Variants in CD276 observed in about 807,000 individuals in gnomAD.
CD276 encodes the protein CD276 antigen.
A neutral mutation model predicts 50.0 loss-of-function variants in CD276; 34 were observed. The ratio of observed to expected loss-of-function variants is 0.68; its 90% CI spans 0.52 to 0.91. The LOEUF is 0.91. Among genes scored for constraint, CD276 ranks in the 40% least tolerant of loss-of-function variants. The pLI is 0.00. For synonymous variants in CD276, 275 were observed against 313.0 expected (o/e 0.88, Z 1.28); for missense variants, 634 against 717.5 (o/e 0.88, Z 1.33).
chr15:73,706,590 G>A (rs1900661721), intron 6 of CD276, among the ~76,000 whole-genome samples: 1 of 152,196 alleles, frequency 6.6e-6, no homozygotes, highest in African/African-American at 2.4e-5. Context: ...CCACCAGCCA[G>A]CCTCCTGTTT....
At chr15:73,712,327 TCTC>T (rs1448166166) in intron 9 of CD276, among the ~76,000 whole-genome samples, 2 of 152,122 alleles carry the variant, frequency 1.3e-5, no homozygotes, top group Non-Finnish European at 2.9e-5. Flanking sequence ...GGGGAGCTCT[TCTC>T]CTCTCCCCAG....
At chr15:73,694,897 G>T (rs1220651623) in intron 1 of CD276, among the ~76,000 whole-genome samples, 1 of 152,226 alleles carries the variant, frequency 6.6e-6, no homozygotes, top group East Asian at 1.9e-4. Flanking sequence ...TTACTCGGGA[G>T]GCTGAGGCAG....
chr15:73,701,462 C>T (rs1900385456), intron 2 of CD276, among the ~76,000 whole-genome samples: 1 of 152,216 alleles, frequency 6.6e-6, no homozygotes, highest in African/African-American at 2.4e-5. Context: ...CTGGTCTCTT[C>T]AAGTCATCTT....
Position 73,704,206 on chromosome 15 carries a change from A to G in CD276, c.1103A>G (p.Glu368Gly), listed in dbSNP as rs1456011238. The G allele has an allele frequency of 3.1e-6, 5 of 1,613,854 alleles. No individual in the cohort carries two copies. In the South Asian group the frequency reaches 4.4e-5, roughly 14 times the overall value. Residue 368 changes from glutamate (E) to glycine (G), a missense_variant, in exon 6 of 10, where the codon GAG becomes GGG. Coordinates refer to ENST00000318443, the MANE Select transcript of CD276 (RefSeq NM_001024736.2). The surrounding 1 kb of genome is among the most constrained non-coding windows in gnomAD (Gnocchi z 4.1). ...TACTCGAAGCCCAGCATGACCCTGG[A>G]GCCCAACAAGGACCTGCGGCCAGGG... ...APYSKPSMTL[E>G]PNKDLRPGDT...
At chr15:73,691,332 G>C (rs1899981213) in intron 1 of CD276, among the ~76,000 whole-genome samples, 1 of 152,156 alleles carries the variant, frequency 6.6e-6, no homozygotes, top group Non-Finnish European at 1.5e-5. Context: ...TATCCTTCTA[G>C]CTTCCATCTC....
chr15:73,696,456 C>G (rs1473726064), intron 1 of CD276, among the ~76,000 whole-genome samples: 1 of 152,104 alleles, frequency 6.6e-6, no homozygotes, highest in African/African-American at 2.4e-5. Flanking sequence ...GCGTAGGGGT[C>G]TCTGGGTGCC....
chr15:73,712,213 T>C (rs978016059), intron 9 of CD276: 6 of 150,368 alleles, frequency 4.0e-5, no homozygotes, highest in African/African-American at 1.5e-4. Flanking sequence ...GAATGTGGCC[T>C]GGATGGGCAA....
rs1488002868 is a variant in CD276, at chr15:73,713,160, TTA to T, written c.*207_*208del. The T allele has an allele frequency of 4.1e-5, 23 of 555,626 alleles. No individual in the cohort carries two copies. In the East Asian group the frequency reaches 6.6e-4, roughly 16 times the overall value. The allele number at this position is 555,626 out of a possible 1,614,324, so 34.4% of individuals were successfully genotyped here. A position where few individuals can be genotyped will look rare whatever the true frequency, so the allele number is the denominator to read the frequency against. On this transcript the variant is annotated 3_prime_UTR_variant, in exon 10 of 10. Transcript: ENST00000318443. ...CCAAGTCATCCTGCTGCCTTTTTTC[TTA>T]TAGACACAATGAACAGACCACCCAC...
intron 1 of CD276, 30 bp from the exon 2 acceptor site, chr15:73,699,556 G>C (rs1013263914): frequency 3.2e-6 from 5 of 1,560,112 alleles, no homozygotes; most frequent in Non-Finnish European, 4.3e-6. Flanking sequence ...AACCTTTGGA[G>C]ACAAAGGCCT....
Position 73,702,961 on chromosome 15 carries a change from A to G in CD276, c.608A>G (p.Asp203Gly). The G allele has an allele frequency of 6.2e-7, 1 of 1,614,158 alleles. No individual in the cohort carries two copies. Among genetic ancestry groups the G allele is most frequent in the East Asian group, 2.2e-5 (1 of 44,872 alleles). Residue 203 changes from aspartate (D) to glycine (G), a missense_variant, in exon 4 of 10, where the codon GAT (aspartate) becomes GGT (glycine). Asp to Gly is a moderately conservative substitution (Grantham distance 94). Coordinates refer to ENST00000318443, the MANE Select transcript of CD276 (RefSeq NM_001024736.2). ...SQMANEQGLF[D>G]VHSILRVVLG... ...ATGGCCAACGAGCAGGGCTTGTTTG[A>G]TGTGCACAGCATCCTGCGGGTGGTG... is the stretch of plus-strand genomic sequence containing the variant.
chr15:73,684,851 G>C (rs1052424260), intron 1 of CD276: 2 of 152,480 alleles, frequency 1.3e-5, no homozygotes, highest in Non-Finnish European at 2.9e-5. Flanking sequence ...CATGGGGGCA[G>C]ATCTGTCCCG....
intron 8 of CD276, 87 bp from the exon 9 acceptor site, chr15:73,711,048 A>C: frequency 8.0e-6 from 11 of 1,370,858 alleles, no homozygotes; most frequent in Non-Finnish European, 1.1e-5. Context: ...CGCCCCTTCC[A>C]GCCCTCACTC....
Position 73,699,575 on chromosome 15 carries a change from C to T in CD276, c.-54-11C>T, listed in dbSNP as rs1596009910. ...TTTGGAGACAAAGGCCTTGCGTCCT[C>T]TTTCTCCCAGGCAGGGGCAGCCTTC... On this transcript the variant is annotated splice_polypyrimidine_tract_variant and intron_variant, in intron 1 of 9. Coordinates refer to ENST00000318443, the MANE Select transcript of CD276 (RefSeq NM_001024736.2). 6.3e-7 allele frequency: 1 copy of T among 1,589,638 alleles called. No individual in the cohort carries two copies. The highest frequency in any genetic ancestry group is 8.5e-7 in the Non-Finnish European group (1 of 1,170,130).
chr15:73,712,873 A>C, intron 9 of CD276, 61 bp from the exon 10 acceptor site: 4 of 1,562,302 alleles, frequency 2.6e-6, no homozygotes, highest in Non-Finnish European at 3.5e-6. Context: ...TCCCAAAAAT[A>C]GATCTTCTGG....
intron 1 of CD276, among the ~76,000 whole-genome samples, chr15:73,685,264 G>A (rs1043417815): frequency 1.8e-4 from 27 of 151,974 alleles, no homozygotes; most frequent in Non-Finnish European, 3.2e-4. Context: ...AGAAGGGAGG[G>A]GATTGAATTC....
chr15:73,710,367 T>A (rs1900842926), intron 8 of CD276, among the ~76,000 whole-genome samples: 1 of 152,212 alleles, frequency 6.6e-6, no homozygotes, highest in Non-Finnish European at 1.5e-5. Flanking sequence ...GTTTTGAAGC[T>A]CTTTCAGGTG....
At chr15:73,710,216 T>C (rs1164784099) in intron 8 of CD276, among the ~76,000 whole-genome samples, 5 of 152,244 alleles carry the variant, frequency 3.3e-5, no homozygotes, top group Non-Finnish European at 7.3e-5. Context: ...GGAGTCCTAT[T>C]ACTATTAGGC....
At chr15:73,702,192 G>T in intron 2 of CD276, 63 bp from the exon 3 acceptor site, 1 of 1,359,570 alleles carries the variant, frequency 7.4e-7, no homozygotes, top group South Asian at 1.4e-5. Flanking sequence ...GCAGGGAGCG[G>T]GACTAGGGAG....
rs557496160 is a variant in CD276, at chr15:73,702,581, C to T, written c.406C>T (p.Leu136=). 6.2e-7 allele frequency: 1 copy of T among 1,607,190 alleles called. No individual in the cohort carries two copies. The highest frequency in any genetic ancestry group is 8.5e-7 in the Non-Finnish European group (1 of 1,177,710). Residue 136 remains leucine, a synonymous_variant, in exon 3 of 10, where the codon CTG becomes TTG. Transcript: ENST00000318443. ...GGATTTCGGCAGCGCTGCCGTCAGC[C>T]TGCAGGTGGCCGGTGAGCACCAGGA... ...IRDFGSAAVS[L]QVAAPYSKPS...
Sources: allele counts gnomAD v4.1 joint callset (sites outside exome capture counted in the v4.1 genomes callset), GRCh38; gene constraint gnomAD v4.1.1; non-coding constraint Gnocchi (gnomAD v3.1); transcripts MANE v1.5; gene names NCBI Gene and HGNC (gene_info 2026-07-23, HGNC 2026-07-21).